SLC24A3: variants seen among roughly 807,000 people sequenced by gnomAD.
SLC24A3 encodes solute carrier family 24 member 3.
SLC24A3 carries 28 observed loss-of-function variants against 75.8 expected under a neutral mutation model. That is an observed-to-expected ratio of 0.37 (90% CI 0.27 to 0.51). The LOEUF is 0.51. Ranked by LOEUF, SLC24A3 falls within the 20% of genes least tolerant of loss-of-function variation. SLC24A3 has a pLI of 0.94. For missense variants in SLC24A3, 663 were observed against 847.8 expected (o/e 0.78, Z 2.71); for synonymous variants, 372 against 334.1 (o/e 1.11, Z -1.24).
chr20:19,285,205 C>T (rs1211421890), intron 2 of SLC24A3, among the ~76,000 whole-genome samples: 3 of 152,106 alleles, frequency 2.0e-5, no homozygotes, highest in Admixed American at 6.5e-5. Context: ...GCACTGGGCG[C>T]GGTGACTCAC....
At chr20:19,340,077 C>A (rs1294844853) in intron 2 of SLC24A3, among the ~76,000 whole-genome samples, 1 of 152,040 alleles carries the variant, frequency 6.6e-6, no homozygotes, top group African/African-American at 2.4e-5. Flanking sequence ...GAATTGTGTC[C>A]CTTAAAAGAA....
chr20:19,690,557 C>T (rs956784830), intron 12 of SLC24A3, among the ~76,000 whole-genome samples: 8 of 152,052 alleles, frequency 5.3e-5, no homozygotes, highest in African/African-American at 1.9e-4. Context: ...TTACTCTGTC[C>T]GTTTGAGGGC....
At chr20:19,367,795 G>T (rs1445164689) in intron 2 of SLC24A3, among the ~76,000 whole-genome samples, 1 of 152,164 alleles carries the variant, frequency 6.6e-6, no homozygotes, top group Non-Finnish European at 1.5e-5. Flanking sequence ...ATAGCCCTGG[G>T]CCCAGTTCCA....
At chr20:19,581,695 C>T (rs76677178) in intron 4 of SLC24A3, among the ~76,000 whole-genome samples, 5,752 of 152,260 alleles carry the variant, frequency 0.038, 162 homozygotes, top group South Asian at 0.065. Context: ...ATTATCCCCT[C>T]TTTACAAACA....
Position 19,384,421 on chromosome 20 carries a change from C to A in SLC24A3, c.271+103334C>A, listed in dbSNP as rs1044882852. On this transcript the variant is annotated intron_variant, in intron 2 of 16. Coordinates refer to ENST00000328041, the MANE Select transcript of SLC24A3 (RefSeq NM_020689.4). ...TTTAGATTCCACATATAAGTCATAT[C>A]ATTTGGGTTTGTCTTTCTGAGCTTG... is the stretch of plus-strand genomic sequence containing the variant. Among the ~76,000 whole-genome samples, 5 of 152,176 alleles carry A rather than the reference C, an allele frequency of 3.3e-5. 1 individual carries two copies. The East Asian group carries it at 9.6e-4, about 29-fold the overall frequency.
At chr20:19,443,513 A>T (rs1484190816) in intron 2 of SLC24A3, among the ~76,000 whole-genome samples, 2 of 152,180 alleles carry the variant, frequency 1.3e-5, no homozygotes, top group Admixed American at 1.3e-4. Context: ...ACTTTTGTAA[A>T]TTAACCTTGT....
chr20:19,430,880 G>A (rs150095914), intron 2 of SLC24A3, among the ~76,000 whole-genome samples: 2 of 151,908 alleles, frequency 1.3e-5, no homozygotes, highest in East Asian at 1.9e-4. Context: ...ACGCAGACAC[G>A]GTCACACCCT....
intron 2 of SLC24A3, among the ~76,000 whole-genome samples, chr20:19,478,075 T>C (rs1024323320): frequency 3.3e-5 from 5 of 152,208 alleles, no homozygotes; most frequent in Non-Finnish European, 7.3e-5. Context: ...TTGCCATCTG[T>C]CACCTTGGTT....
At chr20:19,358,286 C>T (rs375161292) in intron 2 of SLC24A3, among the ~76,000 whole-genome samples, 11 of 152,280 alleles carry the variant, frequency 7.2e-5, no homozygotes, top group East Asian at 1.9e-4. Flanking sequence ...GGCAGGCCCC[C>T]GAGGTCTAAG....
intron 2 of SLC24A3, among the ~76,000 whole-genome samples, chr20:19,401,135 G>A (rs1986545328): frequency 6.6e-6 from 1 of 152,104 alleles, no homozygotes; most frequent in South Asian, 2.1e-4. Context: ...AAGAGACAAT[G>A]GTCCCAATTG....
At chr20:19,689,205 C>A (rs1313508627) in intron 12 of SLC24A3, among the ~76,000 whole-genome samples, 1 of 152,120 alleles carries the variant, frequency 6.6e-6, no homozygotes, top group Non-Finnish European at 1.5e-5. Flanking sequence ...GTATTTTTTA[C>A]TTTAAAACAG....
At chr20:19,399,432 T>G (rs2052999098) in intron 2 of SLC24A3, among the ~76,000 whole-genome samples, 1 of 152,220 alleles carries the variant, frequency 6.6e-6, no homozygotes, top group African/African-American at 2.4e-5. Context: ...CAATGTTTGA[T>G]ATGGTATGTT....
intron 9 of SLC24A3, among the ~76,000 whole-genome samples, chr20:19,680,215 G>A (rs2032598051): frequency 6.6e-6 from 1 of 151,102 alleles, no homozygotes; most frequent in Non-Finnish European, 1.5e-5. Context: ...CATTTTCCTT[G>A]CACTTTGTTC....
At chr20:19,471,905 A>G (rs1175339506) in intron 2 of SLC24A3, among the ~76,000 whole-genome samples, 3 of 152,384 alleles carry the variant, frequency 2.0e-5, no homozygotes, top group East Asian at 3.9e-4. Context: ...AATCGAAAAT[A>G]TGAAAGTAAT....
intron 3 of SLC24A3, among the ~76,000 whole-genome samples, chr20:19,571,075 T>C (rs1186932737): frequency 1.3e-5 from 2 of 151,870 alleles, no homozygotes; most frequent in African/African-American, 4.8e-5. Context: ...TGGTCAGGAT[T>C]TGAACCCAGT....
intron 6 of SLC24A3, among the ~76,000 whole-genome samples, chr20:19,635,429 G>A (rs1413381069): frequency 1.3e-5 from 2 of 152,222 alleles, no homozygotes; most frequent in African/African-American, 4.8e-5. Context: ...TGAAGAAGGA[G>A]TAATCAGGGT....
intron 6 of SLC24A3, among the ~76,000 whole-genome samples, chr20:19,601,218 G>A (rs1233767608): frequency 2.6e-5 from 4 of 152,144 alleles, no homozygotes; most frequent in East Asian, 1.9e-4. Context: ...TTTGGCTTGG[G>A]CTTTCTGCCC....
intron 3 of SLC24A3, among the ~76,000 whole-genome samples, chr20:19,553,917 G>A (rs552276773): frequency 1.2e-4 from 19 of 152,318 alleles, no homozygotes; most frequent in Non-Finnish European, 2.2e-4. Context: ...TAGACAATCT[G>A]AGAACAGCAG....
At chr20:19,396,347 A>T (rs1248905019) in intron 2 of SLC24A3, among the ~76,000 whole-genome samples, 4 of 152,264 alleles carry the variant, frequency 2.6e-5, no homozygotes, top group African/African-American at 9.6e-5. Flanking sequence ...ATGAACAGGT[A>T]AACTTGACTT....
Sources: allele counts gnomAD v4.1 joint callset (sites outside exome capture counted in the v4.1 genomes callset), GRCh38; gene constraint gnomAD v4.1.1; transcripts MANE v1.5; gene names NCBI Gene and HGNC (gene_info 2026-07-23, HGNC 2026-07-21).